Variants in ZNF487 observed in about 807,000 individuals in gnomAD.
ZNF487 encodes the protein KRAB domain only 1.
In ZNF487, 4 loss-of-function variants were observed where a neutral mutation model predicts 3.0. The ratio of observed to expected loss-of-function variants is 1.35; its 90% CI spans 0.66 to 3.08. ZNF487 has a LOEUF of 3.08. ZNF487 is among the 30% of genes most tolerant of loss of function. The pLI is 0.01. For missense variants in ZNF487, 146 were observed against 98.7 expected (o/e 1.48, Z -2.03); for synonymous variants, 55 against 34.6 (o/e 1.59, Z -2.06).
intron 1 of ZNF487, among the ~76,000 whole-genome samples, chr10:43,471,401 G>T (rs1012401560): frequency 3.3e-5 from 5 of 152,160 alleles, no homozygotes; most frequent in Admixed American, 1.3e-4. Flanking sequence ...TTTGCTGTCT[G>T]CAGACAGCTG....
chr10:43,490,005 T>C, the ZNF487 span, among the ~76,000 whole-genome samples: 1 of 152,176 alleles, frequency 6.6e-6, no homozygotes, highest in Non-Finnish European at 1.5e-5. Flanking sequence ...CCCATTTATA[T>C]ACTATAGACA....
chr10:43,464,425 G>A (rs1840574215), intron 1 of ZNF487, among the ~76,000 whole-genome samples: 1 of 151,836 alleles, frequency 6.6e-6, no homozygotes, highest in Non-Finnish European at 1.5e-5. Flanking sequence ...CGCAGAGGGG[G>A]ATTTGGCAGG....
the ZNF487 span, among the ~76,000 whole-genome samples, chr10:43,500,353 G>A: frequency 6.6e-6 from 1 of 152,014 alleles, no homozygotes; most frequent in African/African-American, 2.4e-5. Context: ...TTGAGTGCAG[G>A]AGATCAAGGC....
the ZNF487 span, among the ~76,000 whole-genome samples, chr10:43,495,406 G>T: frequency 2.0e-5 from 3 of 151,976 alleles, no homozygotes. Context: ...GCCACACCCA[G>T]CTAATTTTTG....
intron 1 of ZNF487, among the ~76,000 whole-genome samples, chr10:43,460,951 C>G (rs1474346743): frequency 6.6e-6 from 1 of 152,086 alleles, no homozygotes; most frequent in East Asian, 1.9e-4. Flanking sequence ...ACCTTGGTCT[C>G]CCAAAGTGCT....
intron 3 of ZNF487, among the ~76,000 whole-genome samples, chr10:43,479,966 C>CTTTCTTTCT (rs1841255496): frequency 2.1e-5 from 1 of 48,164 alleles, no homozygotes; most frequent in Non-Finnish European, 6.5e-5. Context: ...CTCTTTCTTT[C>CTTTCTTTCT]TTTCTTTTCT....
chr10:43,504,226 T>C, the ZNF487 span, among the ~76,000 whole-genome samples: 3 of 152,102 alleles, frequency 2.0e-5, no homozygotes, highest in Middle Eastern at 6.3e-3. Context: ...ATGTCTTATA[T>C]ATTTTTTGTT....
intron 1 of ZNF487, among the ~76,000 whole-genome samples, chr10:43,438,701 G>C (rs1839471278): frequency 1.3e-5 from 2 of 152,280 alleles, no homozygotes; most frequent in Middle Eastern, 3.4e-3. Context: ...ATTTGCAATA[G>C]TCAAAAGGGA....
the ZNF487 span, among the ~76,000 whole-genome samples, chr10:43,503,027 C>CAAAAA: frequency 1.0e-5 from 1 of 95,716 alleles, no homozygotes. Flanking sequence ...GACCCTGTCT[C>CAAAAA]AAAAAAAAAA....
At chr10:43,449,765 C>T (rs962609059) in intron 1 of ZNF487, among the ~76,000 whole-genome samples, 1 of 151,552 alleles carries the variant, frequency 6.6e-6, no homozygotes, top group Non-Finnish European at 1.5e-5. Flanking sequence ...CTGTAACCTC[C>T]GCCTCCTGTG....
chr10:43,470,078 C>G (rs1840851268), intron 1 of ZNF487, among the ~76,000 whole-genome samples: 1 of 152,198 alleles, frequency 6.6e-6, no homozygotes, highest in Non-Finnish European at 1.5e-5. Flanking sequence ...TCGCATGACT[C>G]AAGTGACATT....
At chr10:43,437,058 G>A (rs1839411932), upstream of ZNF487, 1 of 317,694 alleles carries the variant, frequency 3.1e-6, no homozygotes, top group Non-Finnish European at 6.2e-6. Context: ...GGGAGCGCTG[G>A]ACTGGCGGGC....
chr10:43,451,656 C>T (rs1264109890), intron 1 of ZNF487, among the ~76,000 whole-genome samples: 2 of 151,268 alleles, frequency 1.3e-5, no homozygotes, highest in African/African-American at 4.9e-5. Flanking sequence ...GCCTCCACCT[C>T]CCGGGTTCAA....
intron 1 of ZNF487, among the ~76,000 whole-genome samples, chr10:43,459,217 G>A (rs1040106662): frequency 2.0e-5 from 3 of 151,700 alleles, no homozygotes; most frequent in Non-Finnish European, 2.9e-5. Context: ...AAGGTATCCA[G>A]TCTTTTTCTT....
chr10:43,445,964 C>T (rs1206419338), intron 1 of ZNF487, among the ~76,000 whole-genome samples: 1 of 152,162 alleles, frequency 6.6e-6, no homozygotes, highest in African/African-American at 2.4e-5. Flanking sequence ...TGAGTTGACA[C>T]AGCACATGTT....
At chr10:43,488,320 G>C in the ZNF487 span, among the ~76,000 whole-genome samples, 5,190 of 152,162 alleles carry the variant, frequency 0.034, 115 homozygotes, top group South Asian at 0.041. Flanking sequence ...TTGCAGAATA[G>C]TGTAACTTAT....
chr10:43,436,989 G>C (rs779400010), upstream of ZNF487: 86 of 434,056 alleles, frequency 2.0e-4, no homozygotes, highest in Non-Finnish European at 3.4e-4. Flanking sequence ...TGGGATGCCC[G>C]TGGCATAGGG....
At chr10:43,443,945 C>T (rs1051741038) in intron 1 of ZNF487, among the ~76,000 whole-genome samples, 7 of 151,378 alleles carry the variant, frequency 4.6e-5, no homozygotes, top group Admixed American at 2.0e-4. Context: ...CTCTGCCTCC[C>T]GGGTTCAAGC....
chr10:43,438,009 T>C (rs1035160564), intron 1 of ZNF487, among the ~76,000 whole-genome samples: 8 of 152,000 alleles, frequency 5.3e-5, no homozygotes, highest in African/African-American at 1.9e-4. Context: ...CTTCATTGAG[T>C]TCCTTTGCCT....
Sources: gnomAD v4.1 joint callset for allele counts (sites outside exome capture counted in the v4.1 genomes callset) on GRCh38, gnomAD v4.1.1 for gene constraint, MANE v1.5 for transcripts, NCBI Gene and HGNC (gene_info 2026-07-23, HGNC 2026-07-21) for gene names.